PAK2: variants seen among roughly 807,000 people sequenced by gnomAD.
PAK2 encodes the protein p21 (RAC1) activated kinase 2.
In PAK2, 21 loss-of-function variants were observed where a neutral mutation model predicts 65.9. The observed-to-expected ratio is 0.32, with a 90% CI of 0.23 to 0.46. PAK2 has a LOEUF of 0.46. Ranked by LOEUF, PAK2 falls within the 20% of genes least tolerant of loss-of-function variation. The pLI is 1.00. For synonymous variants in PAK2, 204 were observed against 219.7 expected (o/e 0.93, Z 0.63); for missense variants, 324 against 642.6 (o/e 0.50, Z 5.36).
chr3:196,741,873 T>C lies in PAK2; in HGVS notation c.-22+1716T>C, dbSNP rs148785632. Among the ~76,000 whole-genome samples, 373 of 152,302 alleles carry C rather than the reference T, an allele frequency of 2.4e-3. 6 individuals carry two copies. Among genetic ancestry groups the C allele is most frequent in the African/African-American group, 8.8e-3 (364 of 41,556 alleles). ...GCCAGTTTCTTCTAATCAGCAGATA[T>C]TTTTATGAAGGAAGAGTTCCTGGGT... On this transcript the variant is annotated intron_variant, in intron 1 of 14. Transcript: ENST00000327134.
At chr3:196,817,156 ATTTTTTTTTTTTTTT>A (rs11314877) in intron 11 of PAK2, among the ~76,000 whole-genome samples, 3 of 84,766 alleles carry the variant, frequency 3.5e-5, no homozygotes, top group African/African-American at 1.4e-4. Context: ...GAAAGAGGCA[ATTTTTTTTTTTTTTT>A]TTTTTTTTTT....
chr3:196,822,844 CAA>C (rs762105264), intron 13 of PAK2, among the ~76,000 whole-genome samples: 3 of 152,168 alleles, frequency 2.0e-5, no homozygotes, highest in Non-Finnish European at 4.4e-5. Context: ...ACAGCAAGTG[CAA>C]AAGCTCTAAA....
At chr3:196,810,968 A>G (rs1715763811) in intron 8 of PAK2, among the ~76,000 whole-genome samples, 1 of 152,106 alleles carries the variant, frequency 6.6e-6, no homozygotes, top group South Asian at 2.1e-4. Context: ...ACTATAAGCA[A>G]TAAAAAATGC....
chr3:196,749,342 G>GT (rs1427150261), intron 1 of PAK2, among the ~76,000 whole-genome samples: 2 of 151,666 alleles, frequency 1.3e-5, no homozygotes, highest in Non-Finnish European at 2.9e-5. Context: ...CACAGCGCCT[G>GT]TATCACTTCA....
chr3:196,764,381 C>G (rs975287667), intron 1 of PAK2, among the ~76,000 whole-genome samples: 3 of 151,904 alleles, frequency 2.0e-5, no homozygotes, highest in Non-Finnish European at 4.4e-5. Context: ...TTTGGGAGAC[C>G]AAGACGGGCA....
chr3:196,811,613 C>T (rs1413734485), intron 8 of PAK2, among the ~76,000 whole-genome samples: 2 of 151,588 alleles, frequency 1.3e-5, no homozygotes, highest in African/African-American at 4.8e-5. Context: ...TGAAGATTAT[C>T]TTACTATTTT....
chr3:196,759,489 GTTTTTTTTGTTTTTTTTT>G (rs1713878427), intron 1 of PAK2, among the ~76,000 whole-genome samples: 5 of 98,882 alleles, frequency 5.1e-5, no homozygotes, highest in African/African-American at 1.3e-4. Flanking sequence ...CAGTTAAGTG[GTTTTTTTTGTTTTTTTTT>G]TTTTTTTTTT....
intron 1 of PAK2, among the ~76,000 whole-genome samples, chr3:196,760,894 G>A (rs1005350177): frequency 2.6e-5 from 4 of 152,180 alleles, no homozygotes; most frequent in Non-Finnish European, 5.9e-5. Context: ...TAGGTACAGA[G>A]ATGTATGGAA....
At chr3:196,825,803 C>T (rs1269447463) in intron 13 of PAK2, among the ~76,000 whole-genome samples, 3 of 152,032 alleles carry the variant, frequency 2.0e-5, no homozygotes, top group African/African-American at 7.2e-5. Context: ...TTTTATAGAT[C>T]TAGGTAGTTA....
chr3:196,769,143 A>G (rs1233823192), intron 1 of PAK2, among the ~76,000 whole-genome samples: 1 of 151,824 alleles, frequency 6.6e-6, no homozygotes, highest in Non-Finnish European at 1.5e-5. Flanking sequence ...CCTGGGCAAC[A>G]TAGGGAGGCC....
intron 1 of PAK2, among the ~76,000 whole-genome samples, chr3:196,743,045 G>T (rs1253361766): frequency 1.3e-5 from 2 of 152,192 alleles, no homozygotes; most frequent in Admixed American, 6.5e-5. Context: ...ATTGCAAATT[G>T]TGTGTCCAAG....
chr3:196,756,237 A>C (rs1713765815), intron 1 of PAK2, among the ~76,000 whole-genome samples: 1 of 152,192 alleles, frequency 6.6e-6, no homozygotes, highest in South Asian at 2.1e-4. Context: ...AAGAGAAAAA[A>C]GGGTCACATT....
intron 1 of PAK2, among the ~76,000 whole-genome samples, chr3:196,770,964 A>G (rs1171591869): frequency 6.6e-6 from 1 of 151,830 alleles, no homozygotes; most frequent in African/African-American, 2.4e-5. Context: ...ATTCAGTTCT[A>G]AATATTTTTC....
chr3:196,812,979 G>A (rs1263799897), intron 10 of PAK2, 128 bp downstream of exon 10: 2 of 587,926 alleles, frequency 3.4e-6, no homozygotes, highest in African/African-American at 3.7e-5. Context: ...AGAAAGAAGA[G>A]GAGAGGTAAA....
chr3:196,758,492 G>A (rs1358102052), intron 1 of PAK2, among the ~76,000 whole-genome samples: 6 of 152,186 alleles, frequency 3.9e-5, no homozygotes, highest in Non-Finnish European at 7.3e-5. Flanking sequence ...GAAACAGTAA[G>A]AATAGAAAAA....
intron 1 of PAK2, among the ~76,000 whole-genome samples, chr3:196,765,295 ACAC>A (rs1714126968): frequency 6.6e-6 from 1 of 151,846 alleles, no homozygotes. Flanking sequence ...TTACAGGCAC[ACAC>A]CACCATGCTC....
At chr3:196,815,879 AAGT>A (rs1252054792) in intron 11 of PAK2, among the ~76,000 whole-genome samples, 1 of 152,134 alleles carries the variant, frequency 6.6e-6, no homozygotes, top group African/African-American at 2.4e-5. Context: ...CAGTATCAAT[AAGT>A]CTGTGCCTGG....
chr3:196,784,058 C>T (rs1456581673), intron 2 of PAK2, among the ~76,000 whole-genome samples: 2 of 152,146 alleles, frequency 1.3e-5, no homozygotes, highest in African/African-American at 4.8e-5. Context: ...GCTTCTCAAA[C>T]TTCAGGTGAT....
rs1416471938 is a variant in PAK2, at chr3:196,758,289, G to A, written c.-22+18132G>A. 7.9e-5 allele frequency among the ~76,000 whole-genome samples: 12 copies of A among 152,370 alleles called. No homozygotes were observed. In the East Asian group the frequency reaches 2.3e-3, roughly 29 times the overall value. On this transcript the variant is annotated intron_variant, in intron 1 of 14. Transcript: ENST00000327134. ...GAAATAAACCAATACTTGTGGCAGT[G>A]AAGAGGTATCAGAGGTTTCCTGAGA...
Sources: allele counts gnomAD v4.1 joint callset (sites outside exome capture counted in the v4.1 genomes callset), GRCh38; gene constraint gnomAD v4.1.1; transcripts MANE v1.5; gene names NCBI Gene and HGNC (gene_info 2026-07-23, HGNC 2026-07-21).